LCORL: variants seen among roughly 807,000 people sequenced by gnomAD.
The protein encoded by LCORL is ligand dependent nuclear receptor corepressor like.
A neutral mutation model predicts 141.8 loss-of-function variants in LCORL; 41 were observed. That is an observed-to-expected ratio of 0.29 (90% CI 0.23 to 0.38). The LOEUF is 0.38. Among genes scored for constraint, LCORL ranks in the 10% least tolerant of loss-of-function variants. LCORL has a pLI of 1.00. For missense variants in LCORL, 1,759 were observed against 2,035.0 expected (o/e 0.86, Z 2.61); for synonymous variants, 618 against 694.1 (o/e 0.89, Z 1.72).
intron 1 of LCORL, among the ~76,000 whole-genome samples, chr4:17,992,256 G>C (rs1247065096): frequency 6.6e-6 from 1 of 152,184 alleles, no homozygotes; most frequent in Non-Finnish European, 1.5e-5. Context: ...TGTGCTGAGT[G>C]AAGTGGGGAA....
At chr4:17,861,792 C>G (rs1262340531) in intron 7 of LCORL, among the ~76,000 whole-genome samples, 1 of 152,198 alleles carries the variant, frequency 6.6e-6, no homozygotes, top group Non-Finnish European at 1.5e-5. Flanking sequence ...TACCCTAAAT[C>G]ATCTTTCTCA....
At chr4:17,950,009 T>C (rs1004726015) in intron 4 of LCORL, among the ~76,000 whole-genome samples, 1 of 152,046 alleles carries the variant, frequency 6.6e-6, no homozygotes, top group Non-Finnish European at 1.5e-5. Context: ...GGGGGAAAAA[T>C]GCCACCTCAA....
intron 4 of LCORL, among the ~76,000 whole-genome samples, chr4:17,936,360 GAAAAA>G (rs10646952): frequency 1.0e-5 from 1 of 96,454 alleles, no homozygotes; most frequent in Admixed American, 1.1e-4. Flanking sequence ...GTCTCATAAT[GAAAAA>G]AAAAAAAAAA....
At chr4:17,993,190 T>C (rs1407439456) in intron 1 of LCORL, among the ~76,000 whole-genome samples, 1 of 152,154 alleles carries the variant, frequency 6.6e-6, no homozygotes, top group Non-Finnish European at 1.5e-5. Flanking sequence ...TAGCTGAGAA[T>C]ATTTTATTTA....
At chr4:17,900,969 CTCA>C (rs1730766185) in intron 5 of LCORL, among the ~76,000 whole-genome samples, 2 of 151,222 alleles carry the variant, frequency 1.3e-5, no homozygotes, top group South Asian at 4.2e-4. Context: ...CCCCTGTCAC[CTCA>C]TCAAACTGCT....
intron 4 of LCORL, among the ~76,000 whole-genome samples, chr4:17,918,084 C>T (rs1026469818): frequency 1.3e-5 from 2 of 152,236 alleles, no homozygotes; most frequent in Non-Finnish European, 2.9e-5. Context: ...GAGGAAACAT[C>T]TGTTCAATCA....
chr4:17,895,559 T>A (rs1221611276), intron 5 of LCORL, among the ~76,000 whole-genome samples: 1 of 152,204 alleles, frequency 6.6e-6, no homozygotes, highest in Non-Finnish European at 1.5e-5. Context: ...CATTCATCTG[T>A]CGATGGACAT....
At chr4:17,914,121 A>G (rs894054384) in intron 4 of LCORL, among the ~76,000 whole-genome samples, 1 of 152,254 alleles carries the variant, frequency 6.6e-6, no homozygotes, top group Non-Finnish European at 1.5e-5. Context: ...TGCATTATCA[A>G]AACAAGAAAT....
At chr4:17,911,056 T>C (rs1446979647) in intron 4 of LCORL, among the ~76,000 whole-genome samples, 1 of 152,194 alleles carries the variant, frequency 6.6e-6, no homozygotes, top group African/African-American at 2.4e-5. Flanking sequence ...ATTCTCTCCA[T>C]GCCTCAGTTT....
chr4:17,997,483 T>C (rs1053883062), intron 1 of LCORL, among the ~76,000 whole-genome samples: 1 of 152,196 alleles, frequency 6.6e-6, no homozygotes, highest in African/African-American at 2.4e-5. Flanking sequence ...TTACTTAACA[T>C]AATGCTTTTT....
rs889597967 is a variant in LCORL at position 18,021,707 on chromosome 4, A to AGCAGCGGCGGCG, written c.33_44dup (p.Ala19_Ala22dup). On this transcript the variant is annotated inframe_insertion, in exon 1 of 8. Coordinates refer to ENST00000635767, the Ensembl canonical transcript of LCORL. The surrounding 1 kb of genome is among the most constrained non-coding windows in gnomAD (Gnocchi z 5.5). Reference sequence around the variant, plus strand: ...ACTGAGCGGCGGCGGCGGCGGCGGCAGCAGCGGCGGCGGCAGCGGCCATTC... The same window carrying AGCAGCGGCGGCG: ...ACTGAGCGGCGGCGGCGGCGGCGGCAGCAGCGGCGGCGGCAGCGGCGGCGGCAGCGGCCATTC... The AGCAGCGGCGGCG allele has an allele frequency of 1.1e-5, 16 of 1,522,112 alleles. No individual in the cohort carries two copies. The highest frequency in any genetic ancestry group is 2.5e-5 in the East Asian group (1 of 39,800). The allele number at this position is 1,522,112 out of a possible 1,614,324, so 94.3% of individuals were successfully genotyped here. A position where few individuals can be genotyped will look rare whatever the true frequency, so the allele number is the denominator to read the frequency against.
intron 4 of LCORL, among the ~76,000 whole-genome samples, chr4:17,911,299 T>G (rs772707808): frequency 3.3e-5 from 5 of 152,052 alleles, no homozygotes; most frequent in Non-Finnish European, 5.9e-5. Flanking sequence ...TAAGTAAAAG[T>G]ACGAGGGGTC....
At chr4:17,852,304 T>C (rs1172050320) in intron 7 of LCORL, among the ~76,000 whole-genome samples, 1 of 151,936 alleles carries the variant, frequency 6.6e-6, no homozygotes, top group East Asian at 1.9e-4. Flanking sequence ...GGGGGAAAAA[T>C]GTAAAGACCT....
chr4:17,888,973 T>C (rs1158664503), intron 5 of LCORL, among the ~76,000 whole-genome samples: 1 of 152,082 alleles, frequency 6.6e-6, no homozygotes, highest in Non-Finnish European at 1.5e-5. Context: ...GTAATGAAAT[T>C]TCCCCCATTC....
intron 4 of LCORL, among the ~76,000 whole-genome samples, chr4:17,952,710 C>T (rs113322137): frequency 7.2e-5 from 11 of 152,198 alleles, no homozygotes; most frequent in Admixed American, 3.3e-4. Context: ...CCACCGCCCC[C>T]GGCCAAAAAC....
intron 2 of LCORL, among the ~76,000 whole-genome samples, chr4:17,966,490 T>G (rs2109629932): frequency 1.3e-5 from 2 of 152,242 alleles, no homozygotes; most frequent in Middle Eastern, 6.8e-3. Flanking sequence ...CCTGTATCTA[T>G]TAAAGAAATT....
chr4:17,893,823 G>C (rs891441660), intron 5 of LCORL, among the ~76,000 whole-genome samples: 5 of 152,030 alleles, frequency 3.3e-5, no homozygotes, highest in Non-Finnish European at 7.4e-5. Flanking sequence ...TTTTGAGATG[G>C]AGTCTTGCTT....
exon 7 of LCORL, chr4:17,877,029 A>G: frequency 8.1e-7 from 1 of 1,230,650 alleles, no homozygotes; most frequent in South Asian, 4.1e-5. Context: ...GTTTTGTGTC[A>G]ATTTCCTTGA....
chr4:17,877,799 C>T, exon 7 of LCORL: 1 of 1,230,574 alleles, frequency 8.1e-7, no homozygotes, highest in Non-Finnish European at 1.0e-6. Flanking sequence ...CAGAACAGCA[C>T]CTGTGAGAAT....
Sources: gnomAD v4.1 joint callset for allele counts (sites outside exome capture counted in the v4.1 genomes callset) on GRCh38, gnomAD v4.1.1 for gene constraint, Gnocchi (gnomAD v3.1) non-coding constraint, MANE v1.5 for transcripts, NCBI Gene and HGNC (gene_info 2026-07-23, HGNC 2026-07-21) for gene names.